ABCA13: variants seen among roughly 807,000 people sequenced by gnomAD.
ABCA13 encodes the protein ATP binding cassette subfamily A member 13, also known as ATP-binding cassette sub-family A member 13.
In ABCA13, 476 loss-of-function variants were observed where a neutral mutation model predicts 478.7. That is an observed-to-expected ratio of 0.99 (90% CI 0.92 to 1.07). ABCA13 has a LOEUF of 1.07. Ranked by LOEUF, ABCA13 falls within the 50% of genes least tolerant of loss-of-function variation. The pLI is 0.00. For missense variants in ABCA13, 6,060 were observed against 5,910.6 expected, an observed-to-expected ratio of 1.03 and a Z score of -0.83; for synonymous variants, 2,252 against 2,158.9, an observed-to-expected ratio of 1.04 and a Z score of -1.20.
chr7:48,489,188 T>C, intron 47 of ABCA13, 48 bp from the exon 48 acceptor site: 1 of 1,454,036 alleles, frequency 6.9e-7, no homozygotes, highest in Non-Finnish European at 9.5e-7. Context: ...ACAAACAGAC[T>C]TACGAGCTAA....
At chr7:48,612,946 A>C (rs189098379) in intron 58 of ABCA13, among the ~76,000 whole-genome samples, 8 of 152,130 alleles carry the variant, frequency 5.3e-5, no homozygotes, top group Admixed American at 5.2e-4. Context: ...TCTACAATAC[A>C]CAAAAGTACA....
chr7:48,202,975 C>T (rs565445537), intron 3 of ABCA13, among the ~76,000 whole-genome samples: 156 of 152,294 alleles, frequency 1.0e-3, no homozygotes, highest in African/African-American at 3.6e-3. Flanking sequence ...CGGCGCTCGT[C>T]GGGGAGGCTT....
At chr7:48,618,277 T>C (rs1179345092) in intron 59 of ABCA13, among the ~76,000 whole-genome samples, 1 of 152,208 alleles carries the variant, frequency 6.6e-6, no homozygotes, top group African/African-American at 2.4e-5. Context: ...AGTTGCTTTC[T>C]TGGGTCTTAA....
Position 48,201,360 on chromosome 7 carries a change from C to A in ABCA13, c.287+3000C>A, listed in dbSNP as rs574513987. Among the ~76,000 whole-genome samples the A allele has an allele frequency of 6.6e-5, 10 of 152,270 alleles. No individual in the cohort carries two copies. In the South Asian group the frequency reaches 1.7e-3, roughly 25 times the overall value. On this transcript the variant is annotated intron_variant, in intron 3 of 61. Transcript: ENST00000435803. ...TCCCTGAGCAACCTGTGGAATGCTGCGGAGCTGTTACGCTCTCGGGCATAA... is the reference window on the plus strand; with the variant it reads ...TCCCTGAGCAACCTGTGGAATGCTGAGGAGCTGTTACGCTCTCGGGCATAA...
chr7:48,462,452 C>CCCG (rs1554523665), intron 43 of ABCA13, among the ~76,000 whole-genome samples: 1 of 151,894 alleles, frequency 6.6e-6, no homozygotes, highest in South Asian at 2.1e-4. Flanking sequence ...TTCCCCCCCC[C>CCCG]CTACTGTTTC....
At chr7:48,214,223 G>A (rs957681247) in intron 3 of ABCA13, among the ~76,000 whole-genome samples, 1 of 152,124 alleles carries the variant, frequency 6.6e-6, no homozygotes, top group African/African-American at 2.4e-5. Flanking sequence ...TTTCTGAGCA[G>A]TAGGTTTTGA....
rs1210437694 is a variant in ABCA13 at position 48,273,116 on chromosome 7, G to C, written c.3450G>C (p.Trp1150Cys). 1.2e-6 allele frequency: 2 copies of C among 1,613,626 alleles called. No homozygotes were observed. The highest frequency in any genetic ancestry group is 1.7e-6 in the Non-Finnish European group (2 of 1,179,746). The change falls in exon 17 of 62, where the codon TGG becomes TGC. Residue 1150 changes from tryptophan (W) to cysteine (C), a missense_variant. Coordinates refer to ENST00000435803, the MANE Select transcript of ABCA13 (RefSeq NM_152701.5). ...TGTCCATTCACTGTACCGTTTCATGGCTTCAAATGTGGACTGAAATCTGGG... is the reference window on the plus strand; with the variant it reads ...TGTCCATTCACTGTACCGTTTCATGCCTTCAAATGTGGACTGAAATCTGGG... ...KFMSIHCTVS[W>C]LQMWTEIWET...
intron 23 of ABCA13, among the ~76,000 whole-genome samples, chr7:48,309,257 C>T (rs960863473): frequency 1.3e-5 from 2 of 152,084 alleles, no homozygotes; most frequent in South Asian, 4.1e-4. Context: ...TCATACCCAT[C>T]AGGAGCAAAA....
In ABCA13 at chr7:48,372,315, T is replaced by C. The variant is rs776067643; in HGVS notation, c.10951T>C (p.Phe3651Leu). 12 of 1,613,842 alleles carry C rather than the reference T, an allele frequency of 7.4e-6. No individual in the cohort carries two copies. The African/African-American group carries it at 1.3e-4, about 18-fold the overall frequency. Residue 3651 changes from phenylalanine (F) to leucine (L), a missense_variant, in exon 33 of 62, where the codon TTC (phenylalanine) becomes CTC (leucine). Physicochemically the swap from Phe to Leu is conservative, Grantham distance 22. Around this residue, in one of 3 missense-constraint regions of ABCA13, gnomAD observed 4,423 missense variants for 4,309.1 expected, o/e 1.03. Coordinates refer to ENST00000435803, the MANE Select transcript of ABCA13 (RefSeq NM_152701.5). ...TGCACACAGCAATACCTTTATTGTT[T>C]TCCTCTTTCTCTTGGATTTTGGGAT... is the stretch of plus-strand genomic sequence containing the variant. The part of the protein sequence containing the change: ...IFAHSNTFIV[F>L]LFLLDFGMSV...
Position 48,274,599 on chromosome 7 carries a change from G to A in ABCA13, c.4933G>A (p.Val1645Ile). The change falls in exon 17 of 62, where the codon GTA (valine) becomes ATA (isoleucine). Residue 1645 changes from valine (V) to isoleucine (I), a missense_variant. By Grantham distance (29) the Val-to-Ile change is conservative (BLOSUM62 3). Transcript: ENST00000435803. ...IRDVFNSLMP[V>I]VHHTSPQNAG... is the part of the protein sequence containing the mutation. ...GGATGTGTTCAACTCCTTAATGCCT[G>A]TAGTTCATCACACTAGTCCACAAAA... 6.2e-7 allele frequency: 1 copy of A among 1,613,958 alleles called. No individual in the cohort carries two copies. The highest frequency in any genetic ancestry group is 8.5e-7 in the Non-Finnish European group (1 of 1,179,844).
chr7:48,496,392 T>C lies in ABCA13; in HGVS notation c.13291+7048T>C, dbSNP rs547814784. ...TTTTACCCTGTTTACCTTTAAAATATTATTGTCTTAAGTGTTTCCTATACA... is the reference window on the plus strand; with the variant it reads ...TTTTACCCTGTTTACCTTTAAAATACTATTGTCTTAAGTGTTTCCTATACA... On this transcript the variant is annotated intron_variant, in intron 48 of 61. Transcript: ENST00000435803. 6.6e-5 allele frequency among the ~76,000 whole-genome samples: 10 copies of C among 152,262 alleles called. No homozygotes were observed. In the South Asian group the frequency reaches 2.1e-3, roughly 32 times the overall value.
At chr7:48,447,379 T>A (rs1481904210) in intron 42 of ABCA13, among the ~76,000 whole-genome samples, 1 of 152,226 alleles carries the variant, frequency 6.6e-6, no homozygotes, top group Non-Finnish European at 1.5e-5. Flanking sequence ...CATAATCCAT[T>A]TCTTTCTCCC....
chr7:48,550,258 T>A (rs1415687954), intron 55 of ABCA13, among the ~76,000 whole-genome samples: 1 of 146,866 alleles, frequency 6.8e-6, no homozygotes, highest in African/African-American at 2.6e-5. Context: ...TTGAAGTCTC[T>A]ATTTTTCTTT....
chr7:48,334,053 A>G lies in ABCA13; in HGVS notation c.10000-1369A>G, dbSNP rs528744787. Among the ~76,000 whole-genome samples the G allele has an allele frequency of 7.9e-5, 12 of 152,308 alleles. No individual in the cohort carries two copies. In the South Asian group the frequency reaches 2.5e-3, roughly 32 times the overall value. On this transcript the variant is annotated intron_variant, in intron 27 of 61. Coordinates refer to ENST00000435803, the MANE Select transcript of ABCA13 (RefSeq NM_152701.5). ...CCTGGTCCCTCCAGAGAGGCAGCCC[A>G]GCTAGGCTGCCTTCTGTTACTAGAA...
chr7:48,508,063 A>G lies in ABCA13; in HGVS notation c.13524+14A>G. Reference sequence around the variant, plus strand: ...CTATATGACATGGTAGGATTTGGGAATGAGATTCTGTGTGCCTCCACAATA... The same window carrying G: ...CTATATGACATGGTAGGATTTGGGAGTGAGATTCTGTGTGCCTCCACAATA... On this transcript the variant is annotated intron_variant, in intron 50 of 61. Transcript: ENST00000435803. The G allele has an allele frequency of 6.2e-7, 1 of 1,613,780 alleles. No individual in the cohort carries two copies. Among genetic ancestry groups the G allele is most frequent in the Non-Finnish European group, 8.5e-7 (1 of 1,179,762 alleles).
At chr7:48,513,676 C>A (rs1258099999) in intron 51 of ABCA13, among the ~76,000 whole-genome samples, 1 of 152,070 alleles carries the variant, frequency 6.6e-6, no homozygotes, top group Non-Finnish European at 1.5e-5. Context: ...ATTTTAAAAT[C>A]ATTAAAATGA....
At chr7:48,635,556 G>T (rs1317677190) in intron 59 of ABCA13, among the ~76,000 whole-genome samples, 1 of 152,172 alleles carries the variant, frequency 6.6e-6, no homozygotes, top group Non-Finnish European at 1.5e-5. Context: ...TCTGTCTAAT[G>T]AGCCTTTGTC....
intron 51 of ABCA13, 62 bp downstream of exon 51, chr7:48,511,261 GGATGGCT>G: frequency 7.2e-7 from 1 of 1,396,176 alleles, no homozygotes; most frequent in Non-Finnish European, 9.9e-7. Context: ...AAAACCCTCA[GGATGGCT>G]TTGAACCTGC....
intron 23 of ABCA13, among the ~76,000 whole-genome samples, chr7:48,299,276 A>G (rs1041932193): frequency 2.0e-5 from 3 of 152,210 alleles, no homozygotes; most frequent in Non-Finnish European, 4.4e-5. Context: ...GGGCCCCAAC[A>G]CACGTTTAAT....
Sources: allele counts gnomAD v4.1 joint callset (sites outside exome capture counted in the v4.1 genomes callset), GRCh38; gene constraint gnomAD v4.1.1; regional missense constraint gnomAD v4.1.1; transcripts MANE v1.5; gene names NCBI Gene and HGNC (gene_info 2026-07-23, HGNC 2026-07-21).